The following ARMC9 variants were observed in gnomAD, a reference collection of about 807,000 sequenced individuals.
The protein encoded by ARMC9 is armadillo repeat containing 9.
Under a neutral mutation model 107.0 loss-of-function variants are expected in ARMC9, and 94 were observed. The ratio of observed to expected loss-of-function variants is 0.88; its 90% confidence interval spans 0.74 to 1.04. The LOEUF is 1.04. ARMC9 is among the 50% of genes least tolerant of loss of function. The pLI is 0.00. For missense variants in ARMC9, 942 were observed against 1,030.1 expected, an observed-to-expected ratio of 0.91 and a Z score of 1.17; for synonymous variants, 380 against 396.9, an observed-to-expected ratio of 0.96 and a Z score of 0.51.
chr2:231,275,380 A>G (rs889541561), intron 14 of ARMC9, among the ~76,000 whole-genome samples: 4 of 152,354 alleles, frequency 2.6e-5, no homozygotes, highest in Admixed American at 6.5e-5. Flanking sequence ...ATGGCATCTC[A>G]TAATGATACC....
chr2:231,308,875 A>G (rs2042180312), intron 19 of ARMC9, among the ~76,000 whole-genome samples: 1 of 152,190 alleles, frequency 6.6e-6, no homozygotes, highest in South Asian at 2.1e-4. Flanking sequence ...CTCTCCATGA[A>G]TCAGTCACCT....
At chr2:231,261,556 C>T (rs1216239147) in intron 11 of ARMC9, among the ~76,000 whole-genome samples, 1 of 152,204 alleles carries the variant, frequency 6.6e-6, no homozygotes, top group Non-Finnish European at 1.5e-5. Context: ...CCACTGAGCC[C>T]ACTCCACTGT....
At chr2:231,330,374 C>T (rs1465159731) in intron 19 of ARMC9, among the ~76,000 whole-genome samples, 1 of 152,048 alleles carries the variant, frequency 6.6e-6, no homozygotes, top group African/African-American at 2.4e-5. Context: ...GATGGGGGGT[C>T]CCGGAAACCC....
intron 19 of ARMC9, among the ~76,000 whole-genome samples, chr2:231,305,057 T>C (rs886522766): frequency 1.3e-5 from 2 of 152,250 alleles, no homozygotes; most frequent in Non-Finnish European, 2.9e-5. Flanking sequence ...CCATCCGCTT[T>C]AGTATAGCAG....
chr2:231,354,574 G>A (rs1308944087), intron 21 of ARMC9, among the ~76,000 whole-genome samples: 1 of 152,046 alleles, frequency 6.6e-6, no homozygotes, highest in Non-Finnish European at 1.5e-5. Context: ...TAGAGACGGG[G>A]TTTCACCATG....
At chr2:231,294,835 A>C (rs1165669613) in intron 18 of ARMC9, 1 of 152,272 alleles carries the variant, frequency 6.6e-6, no homozygotes, top group Admixed American at 6.5e-5. Context: ...GAGTGGCATC[A>C]CATCTTCATG....
chr2:231,335,487 C>T (rs968084713), intron 20 of ARMC9, among the ~76,000 whole-genome samples: 1 of 152,208 alleles, frequency 6.6e-6, no homozygotes, highest in African/African-American at 2.4e-5. Flanking sequence ...AGTCCCCACC[C>T]TCAAAGTCTA....
intron 1 of ARMC9, among the ~76,000 whole-genome samples, chr2:231,205,633 G>T (rs1052924178): frequency 6.6e-6 from 1 of 152,186 alleles, no homozygotes; most frequent in East Asian, 1.9e-4. Context: ...TTTAGCCATT[G>T]TATTTCCTAG....
At chr2:231,262,433 C>T in intron 12 of ARMC9, 35 bp downstream of exon 12, 2 of 1,558,938 alleles carry the variant, frequency 1.3e-6, no homozygotes, top group South Asian at 1.1e-5. Flanking sequence ...CCAGCCAGGG[C>T]CTTCAATTCT....
chr2:231,223,945 A>G (rs1334123969), intron 6 of ARMC9, among the ~76,000 whole-genome samples: 3 of 152,106 alleles, frequency 2.0e-5, no homozygotes, highest in Non-Finnish European at 4.4e-5. Flanking sequence ...CTTGACTTAT[A>G]ATTATTTGAA....
chr2:231,226,715 C>A, intron 6 of ARMC9, 59 bp from the exon 7 acceptor site: 1 of 1,581,328 alleles, frequency 6.3e-7, no homozygotes, highest in Non-Finnish European at 8.7e-7. Context: ...ACAGGATGTC[C>A]GATACCCCAA....
chr2:231,336,678 G>A (rs2044112102), intron 20 of ARMC9, among the ~76,000 whole-genome samples: 1 of 152,208 alleles, frequency 6.6e-6, no homozygotes, highest in African/African-American at 2.4e-5. Flanking sequence ...AATTCATTTA[G>A]TTTTCCTAAG....
chr2:231,205,932 G>A (rs957422831), intron 1 of ARMC9, among the ~76,000 whole-genome samples: 5 of 152,104 alleles, frequency 3.3e-5, no homozygotes, highest in African/African-American at 4.8e-5. Flanking sequence ...TCTTGCCTCC[G>A]TCTGCCCCCC....
At chr2:231,249,872 ACCGC>A (rs1314904893) in intron 9 of ARMC9, among the ~76,000 whole-genome samples, 10 of 81,208 alleles carry the variant, frequency 1.2e-4, no homozygotes, top group Middle Eastern at 7.5e-3. Context: ...GAGGGAGACC[ACCGC>A]CCACCCGTGC....
At chr2:231,277,843 G>T (rs984669764) in intron 15 of ARMC9, among the ~76,000 whole-genome samples, 1 of 152,118 alleles carries the variant, frequency 6.6e-6, no homozygotes, top group East Asian at 1.9e-4. Context: ...GATTACAGGC[G>T]TAAAGCACCG....
intron 19 of ARMC9, among the ~76,000 whole-genome samples, chr2:231,314,693 G>C (rs1384744869): frequency 6.6e-6 from 1 of 152,138 alleles, no homozygotes; most frequent in Non-Finnish European, 1.5e-5. Flanking sequence ...ATGTCCCCTA[G>C]GAGGCAAAAT....
At chr2:231,201,029 C>T (rs913538535) in intron 1 of ARMC9, among the ~76,000 whole-genome samples, 3 of 152,090 alleles carry the variant, frequency 2.0e-5, no homozygotes, top group Non-Finnish European at 2.9e-5. Flanking sequence ...GCCAGGAGTT[C>T]GCTGTTGGCA....
At chr2:231,205,238 C>T (rs932716114) in intron 1 of ARMC9, among the ~76,000 whole-genome samples, 1 of 151,586 alleles carries the variant, frequency 6.6e-6, no homozygotes, top group African/African-American at 2.4e-5. Flanking sequence ...GGTATGGTGG[C>T]ATGCACCTAT....
At chr2:231,285,129 C>T (rs1225333596) in intron 17 of ARMC9, among the ~76,000 whole-genome samples, 1 of 151,882 alleles carries the variant, frequency 6.6e-6, no homozygotes, top group South Asian at 2.1e-4. Context: ...ACCCAGGAGG[C>T]AGAGGTTGCA....
Sources: gnomAD v4.1 joint callset for allele counts (sites outside exome capture counted in the v4.1 genomes callset) on GRCh38, gnomAD v4.1.1 for gene constraint, MANE v1.5 for transcripts, NCBI Gene and HGNC (gene_info 2026-07-23, HGNC 2026-07-21) for gene names.